OR2L13: variants seen among roughly 807,000 people sequenced by gnomAD.
OR2L13 encodes the protein olfactory receptor 2L13.
OR2L13 carries 14 observed loss-of-function variants against 15.3 expected under a neutral mutation model. The observed-to-expected ratio is 0.91, with a 90% CI of 0.60 to 1.43. The LOEUF (loss-of-function observed/expected upper bound fraction) is 1.43, where lower values mean the gene tolerates loss of function less well. Among genes scored for constraint, OR2L13 ranks in the 40% most tolerant of loss-of-function variants. The pLI, the probability that OR2L13 is intolerant of heterozygous loss-of-function variation, is 0.00. For missense variants in OR2L13, 367 were observed against 387.9 expected (o/e 0.95, Z 0.45); for synonymous variants, 152 against 142.9 (o/e 1.06, Z -0.45).
chr1:248,046,282 C>A, the OR2L13 span, among the ~76,000 whole-genome samples: 1 of 152,070 alleles, frequency 6.6e-6, no homozygotes, highest in Non-Finnish European at 1.5e-5. Flanking sequence ...ATAGATAACT[C>A]CCATGTATGC....
the OR2L13 span, among the ~76,000 whole-genome samples, chr1:247,941,971 T>A: frequency 6.6e-6 from 1 of 152,190 alleles, no homozygotes; most frequent in Admixed American, 6.5e-5. Context: ...ACTATGACTG[T>A]AGCCTCCCAG....
chr1:247,944,841 A>G, the OR2L13 span, among the ~76,000 whole-genome samples: 38 of 152,044 alleles, frequency 2.5e-4, no homozygotes, highest in Non-Finnish European at 4.7e-4. Context: ...TGTGGGATCA[A>G]TGGTGGTATT....
At chr1:247,956,124 G>A in the OR2L13 span, among the ~76,000 whole-genome samples, 2 of 149,332 alleles carry the variant, frequency 1.3e-5, no homozygotes, top group African/African-American at 4.9e-5. Context: ...TTTTGTATAA[G>A]GTGTAAGGAA....
chr1:247,983,925 C>A, the OR2L13 span, among the ~76,000 whole-genome samples: 1 of 152,110 alleles, frequency 6.6e-6, no homozygotes, highest in East Asian at 1.9e-4. Flanking sequence ...GGGGTCTTGG[C>A]GTGAATGACA....
At chr1:248,003,052 T>C in the OR2L13 span, 10 of 779,300 alleles carry the variant, frequency 1.3e-5, no homozygotes, top group African/African-American at 1.2e-4. Flanking sequence ...TATTCAGGGA[T>C]TGAAATTCTG....
At chr1:248,062,501 G>A in the OR2L13 span, 1 of 152,224 alleles carries the variant, frequency 6.6e-6, no homozygotes, top group South Asian at 2.1e-4. Context: ...ACTCCTATGC[G>A]AGAGCTAGAA....
At chr1:247,990,251 A>G in the OR2L13 span, 5 of 813,514 alleles carry the variant, frequency 6.1e-6, no homozygotes, top group African/African-American at 8.4e-5. Flanking sequence ...TTCAGGAAGG[A>G]TCATATGAAT....
chr1:248,079,042 T>G, the OR2L13 span, among the ~76,000 whole-genome samples: 1 of 152,136 alleles, frequency 6.6e-6, no homozygotes, highest in African/African-American at 2.4e-5. Context: ...ATAAAACAGT[T>G]CTGTATCCTG....
At chr1:248,059,917 G>C in the OR2L13 span, among the ~76,000 whole-genome samples, 1 of 151,934 alleles carries the variant, frequency 6.6e-6, no homozygotes, top group African/African-American at 2.4e-5. Context: ...GCTTGTGGTC[G>C]TAGTCTCAGC....
the OR2L13 span, chr1:248,083,824 T>G: frequency 6.2e-7 from 1 of 1,613,552 alleles, no homozygotes; most frequent in Non-Finnish European, 8.5e-7. Context: ...TTGGGTCTCA[T>G]ATAGGTAAAA....
the OR2L13 span, among the ~76,000 whole-genome samples, chr1:247,967,838 T>C: frequency 1.3e-5 from 2 of 150,782 alleles, no homozygotes; most frequent in Non-Finnish European, 2.9e-5. Context: ...TAAGTTCTCC[T>C]CCTCTTCCTC....
At chr1:248,025,083 A>C in the OR2L13 span, among the ~76,000 whole-genome samples, 4 of 151,382 alleles carry the variant, frequency 2.6e-5, no homozygotes, top group African/African-American at 7.3e-5. Context: ...GCAACAAAAG[A>C]CAAAATTGAC....
At chr1:248,089,028 C>T in the OR2L13 span, among the ~76,000 whole-genome samples, 1 of 152,030 alleles carries the variant, frequency 6.6e-6, no homozygotes, top group Admixed American at 6.5e-5. Context: ...CTGATGGAGT[C>T]AATCCCACAA....
chr1:247,954,988 T>G, the OR2L13 span, among the ~76,000 whole-genome samples: 6 of 152,074 alleles, frequency 3.9e-5, no homozygotes, highest in Non-Finnish European at 8.8e-5. Flanking sequence ...AGGGTACATG[T>G]GCATAACGTG....
upstream of OR2L13, among the ~76,000 whole-genome samples, chr1:248,093,494 A>C (rs565102935): frequency 6.6e-6 from 1 of 152,352 alleles, no homozygotes; most frequent in South Asian, 2.1e-4. Flanking sequence ...AGGGAAAAAC[A>C]TAGAAGTTAC....
At chr1:247,946,275 C>A in the OR2L13 span, among the ~76,000 whole-genome samples, 838 of 152,190 alleles carry the variant, frequency 5.5e-3, 12 homozygotes, top group African/African-American at 0.019. Flanking sequence ...CATATGCAAA[C>A]AGAAATAATT....
the OR2L13 span, among the ~76,000 whole-genome samples, chr1:247,978,155 G>A: frequency 2.0e-5 from 3 of 152,128 alleles, no homozygotes; most frequent in Non-Finnish European, 4.4e-5. Context: ...CTTCGGGTCC[G>A]CACCACCTTT....
the OR2L13 span, among the ~76,000 whole-genome samples, chr1:248,030,851 AG>A: frequency 6.6e-6 from 1 of 152,182 alleles, no homozygotes; most frequent in South Asian, 2.1e-4. Context: ...AGTCAATAAA[AG>A]TTCATGCTGG....
the OR2L13 span, chr1:247,948,948 G>A: frequency 6.2e-7 from 1 of 1,613,726 alleles, no homozygotes. Flanking sequence ...CATTCTCATT[G>A]TTTTCATTTT....
Sources: gnomAD v4.1 joint callset for allele counts (sites outside exome capture counted in the v4.1 genomes callset) on GRCh38, gnomAD v4.1.1 for gene constraint, MANE v1.5 for transcripts, NCBI Gene and HGNC (gene_info 2026-07-23, HGNC 2026-07-21) for gene names.